The following TOX variants were observed in gnomAD, a reference collection of about 807,000 sequenced individuals.
TOX encodes thymocyte selection-associated high mobility group box protein TOX.
In TOX, 11 loss-of-function variants were observed where a neutral mutation model predicts 53.7. The observed-to-expected ratio is 0.20, with a 90% CI of 0.13 to 0.34. The LOEUF (loss-of-function observed/expected upper bound fraction) is 0.34. Among genes scored for constraint, TOX ranks in the 10% least tolerant of loss-of-function variants. The pLI is 1.00. For synonymous variants in TOX, 225 were observed against 245.3 expected (o/e 0.92, Z 0.77); for missense variants, 570 against 664.6 (o/e 0.86, Z 1.56).
chr8:58,947,072 AGAATT>A (rs1812534157), intron 2 of TOX, among the ~76,000 whole-genome samples: 1 of 152,178 alleles, frequency 6.6e-6, no homozygotes, highest in South Asian at 2.1e-4. Flanking sequence ...TATAATAAAA[AGAATT>A]GAATATTTGT....
At chr8:59,114,736 CT>C (rs1805073690) in intron 1 of TOX, among the ~76,000 whole-genome samples, 1 of 152,088 alleles carries the variant, frequency 6.6e-6, no homozygotes, top group African/African-American at 2.4e-5. Context: ...CCATCTTTTC[CT>C]TTTTCTTACA....
chr8:58,873,952 A>G (rs1811238333), intron 3 of TOX, among the ~76,000 whole-genome samples: 1 of 63,316 alleles, frequency 1.6e-5, no homozygotes, highest in Non-Finnish European at 2.6e-5. Flanking sequence ...CCTGAATGCC[A>G]GGAAGCTTTT....
At chr8:58,956,693 G>A (rs1050562540) in intron 2 of TOX, among the ~76,000 whole-genome samples, 23 of 152,072 alleles carry the variant, frequency 1.5e-4, no homozygotes, top group Admixed American at 7.2e-4. Flanking sequence ...CCTCCACCTC[G>A]TGGGTTCAAG....
At chr8:58,999,314 TA>T (rs1351371614) in intron 1 of TOX, among the ~76,000 whole-genome samples, 1 of 149,486 alleles carries the variant, frequency 6.7e-6, no homozygotes, top group African/African-American at 2.5e-5. Flanking sequence ...AGAATTTCAG[TA>T]AACAATTTCA....
chr8:58,995,429 T>C (rs1289192207), intron 1 of TOX, among the ~76,000 whole-genome samples: 1 of 152,226 alleles, frequency 6.6e-6, no homozygotes, highest in Non-Finnish European at 1.5e-5. Flanking sequence ...CTCAATGAAC[T>C]ACAATGCCCT....
intron 1 of TOX, among the ~76,000 whole-genome samples, chr8:59,012,024 T>C (rs2129418791): frequency 1.3e-5 from 2 of 152,172 alleles, no homozygotes; most frequent in Middle Eastern, 3.4e-3. Context: ...TCAAATCATT[T>C]CCGGGTCAGG....
At position 59,057,968 on chromosome 8, in the gene TOX, C is replaced by T. The variant is rs183648258; in HGVS notation, c.102+60918G>A. 1.8e-3 allele frequency among the ~76,000 whole-genome samples: 279 copies of T among 152,156 alleles called. 2 individuals are homozygous for T. The highest frequency in any genetic ancestry group is 5.4e-3 in the African/African-American group (224 of 41,522). On this transcript the variant is annotated intron_variant, in intron 1 of 8. Coordinates refer to ENST00000361421, the MANE Select transcript of TOX (RefSeq NM_014729.3). ...TTTTTTATGCTTGACCCAAAGGGTGCTCTAGAATGTGGACTACAGGTCAAT... is the reference window on the plus strand; with the variant it reads ...TTTTTTATGCTTGACCCAAAGGGTGTTCTAGAATGTGGACTACAGGTCAAT...
chr8:59,093,327 T>C (rs1334513892), intron 1 of TOX, among the ~76,000 whole-genome samples: 1 of 152,224 alleles, frequency 6.6e-6, no homozygotes, highest in Non-Finnish European at 1.5e-5. Flanking sequence ...TCTACAGAAC[T>C]GTGAAGTCCT....
intron 3 of TOX, among the ~76,000 whole-genome samples, chr8:58,934,792 A>G (rs1812316965): frequency 6.6e-6 from 1 of 152,194 alleles, no homozygotes; most frequent in Admixed American, 6.5e-5. Flanking sequence ...ATTTTATTTA[A>G]CCAACACTTA....
chr8:58,891,293 A>G (rs1811556957), intron 3 of TOX, among the ~76,000 whole-genome samples: 1 of 152,184 alleles, frequency 6.6e-6, no homozygotes, highest in South Asian at 2.1e-4. Context: ...GGTCAAGTAC[A>G]CATTTAGACA....
At chr8:59,072,248 T>C (rs1804210095) in intron 1 of TOX, among the ~76,000 whole-genome samples, 1 of 152,164 alleles carries the variant, frequency 6.6e-6, no homozygotes, top group Non-Finnish European at 1.5e-5. Flanking sequence ...AGTGTAAAAA[T>C]ACCAGTTTAG....
chr8:58,922,191 A>G (rs1229397973), intron 3 of TOX, among the ~76,000 whole-genome samples: 1 of 152,206 alleles, frequency 6.6e-6, no homozygotes, highest in Non-Finnish European at 1.5e-5. Context: ...TGGTGCCTCA[A>G]TCATATCTGT....
At chr8:59,080,307 C>T (rs1804383534) in intron 1 of TOX, among the ~76,000 whole-genome samples, 1 of 152,066 alleles carries the variant, frequency 6.6e-6, no homozygotes, top group South Asian at 2.1e-4. Context: ...GTCAATTTCT[C>T]CCTTTTGGAA....
In TOX at chr8:58,864,121, T is replaced by A. The variant is rs551026689; in HGVS notation, c.412-12316A>T. Reference sequence around the variant, plus strand: ...AAAAGTAATGATATGTCTAAGATAGTGTGAAAGAAAATTGAACAAAAATAA... The same window carrying A: ...AAAAGTAATGATATGTCTAAGATAGAGTGAAAGAAAATTGAACAAAAATAA... On this transcript the variant is annotated intron_variant, in intron 3 of 8. Coordinates refer to ENST00000361421, the MANE Select transcript of TOX (RefSeq NM_014729.3). Among the ~76,000 whole-genome samples the A allele has an allele frequency of 2.6e-5, 4 of 152,112 alleles. 1 individual carries two copies. Among genetic ancestry groups the A allele is most frequent in the Admixed American group, 2.6e-4 (4 of 15,250 alleles).
At chr8:59,071,430 C>G (rs979523741) in intron 1 of TOX, among the ~76,000 whole-genome samples, 3 of 152,184 alleles carry the variant, frequency 2.0e-5, no homozygotes, top group Non-Finnish European at 2.9e-5. Flanking sequence ...AAAGATGTTC[C>G]TTTCTTAATT....
At chr8:59,041,444 T>C (rs912394095) in intron 1 of TOX, among the ~76,000 whole-genome samples, 1 of 152,208 alleles carries the variant, frequency 6.6e-6, no homozygotes, top group Admixed American at 6.5e-5. Flanking sequence ...AATCTCAACC[T>C]CTATGTCTTT....
At position 58,851,121 on chromosome 8, in the gene TOX, A is replaced by G. The variant is rs1810807330; in HGVS notation, c.693+403T>C. On this transcript the variant is annotated intron_variant, in intron 4 of 8. Coordinates refer to ENST00000361421, the MANE Select transcript of TOX (RefSeq NM_014729.3). This position sits in a 1 kb window ranked among gnomAD's most constrained non-coding sequence, Gnocchi z 4.4. ...TGGGTCAGGTGGCCACAAAGGTTTC[A>G]TGTAACATCATCACCATACATCTCC... Among the ~76,000 whole-genome samples, 1 of 151,276 alleles carries G rather than the reference A, an allele frequency of 6.6e-6. No homozygotes were observed. The highest frequency in any genetic ancestry group is 2.1e-4 in the South Asian group (1 of 4,788).
intron 1 of TOX, among the ~76,000 whole-genome samples, chr8:59,014,597 A>G (rs568185122): frequency 4.6e-5 from 7 of 152,348 alleles, no homozygotes; most frequent in African/African-American, 1.4e-4. Flanking sequence ...GGAAAAATAT[A>G]CTGAGGAAAA....
chr8:59,058,062 G>A (rs1477441619), intron 1 of TOX, among the ~76,000 whole-genome samples: 2 of 152,154 alleles, frequency 1.3e-5, no homozygotes, highest in Non-Finnish European at 2.9e-5. Context: ...ATTTCAAAAG[G>A]ATTTTTGTTT....
Sources: gnomAD v4.1 joint callset for allele counts (sites outside exome capture counted in the v4.1 genomes callset) on GRCh38, gnomAD v4.1.1 for gene constraint, Gnocchi (gnomAD v3.1) non-coding constraint, MANE v1.5 for transcripts, NCBI Gene and HGNC (gene_info 2026-07-23, HGNC 2026-07-21) for gene names.